The following LIMCH1 variants were observed in gnomAD, a reference collection of about 807,000 sequenced individuals.
The protein encoded by LIMCH1 is LIM and calponin homology domains 1.
A neutral mutation model predicts 176.5 loss-of-function variants in LIMCH1; 113 were observed. The observed-to-expected ratio is 0.64, with a 90% confidence interval of 0.55 to 0.75. The LOEUF (loss-of-function observed/expected upper bound fraction) is 0.75. Among genes scored for constraint, LIMCH1 ranks in the 30% least tolerant of loss-of-function variants. The probability of loss-of-function intolerance (pLI) is 0.00; values close to 1 mark genes in which losing one functional copy is unlikely to be tolerated. For synonymous variants in LIMCH1, 619 were observed against 645.9 expected (o/e 0.96, Z 0.63); for missense variants, 1,674 against 1,814.9 (o/e 0.92, Z 1.41).
chr4:41,687,317 C>T (rs776108462), intron 28 of LIMCH1, among the ~76,000 whole-genome samples: 3 of 152,148 alleles, frequency 2.0e-5, no homozygotes, highest in Non-Finnish European at 4.4e-5. Flanking sequence ...ATGTTTTGAA[C>T]ATGACCCTTC....
intron 1 of LIMCH1, 149 bp downstream of exon 1, chr4:41,538,499 C>A: frequency 3.7e-6 from 1 of 270,694 alleles, no homozygotes; most frequent in Non-Finnish European, 5.6e-6. Context: ...AAATTACTTT[C>A]CTGTGGATTC....
chr4:41,647,056 A>G (rs1368200331), intron 17 of LIMCH1, among the ~76,000 whole-genome samples, 163 bp downstream of exon 17: 2 of 152,244 alleles, frequency 1.3e-5, no homozygotes, highest in Non-Finnish European at 2.9e-5. Context: ...TTTGGTTTGT[A>G]AATGCTTCAG....
intron 2 of LIMCH1, among the ~76,000 whole-genome samples, chr4:41,523,858 A>C (rs1270338880): frequency 6.6e-6 from 1 of 152,224 alleles, no homozygotes; most frequent in Non-Finnish European, 1.5e-5. Context: ...AAATCTTCAG[A>C]ATATGATTGG....
At chr4:41,666,767 T>A in intron 21 of LIMCH1, 101 bp downstream of exon 21, 1 of 769,484 alleles carries the variant, frequency 1.3e-6, no homozygotes. Flanking sequence ...ATGTTGCTAT[T>A]CCTTTAGCCA....
intron 2 of LIMCH1, among the ~76,000 whole-genome samples, chr4:41,506,062 T>A (rs527557207): frequency 6.6e-6 from 1 of 152,252 alleles, no homozygotes; most frequent in East Asian, 1.9e-4. Context: ...TATTACAAAT[T>A]CCATCTTCCT....
chr4:41,399,263 TATA>T (rs2058118783), intron 1 of LIMCH1, among the ~76,000 whole-genome samples: 1 of 152,074 alleles, frequency 6.6e-6, no homozygotes, highest in Non-Finnish European at 1.5e-5. Context: ...GCTTGTTTCT[TATA>T]TTAAGATTGC....
intron 2 of LIMCH1, among the ~76,000 whole-genome samples, chr4:41,501,059 G>A (rs2073183088): frequency 6.6e-6 from 1 of 152,160 alleles, no homozygotes; most frequent in South Asian, 2.1e-4. Context: ...ATTTCAGCAT[G>A]GGGGCTCCGG....
intron 1 of LIMCH1, among the ~76,000 whole-genome samples, chr4:41,492,350 G>A (rs904729631): frequency 6.6e-6 from 1 of 150,886 alleles, no homozygotes; most frequent in African/African-American, 2.4e-5. Flanking sequence ...GCAGCGAGCC[G>A]AGATCATGGC....
rs143249229 is a variant in LIMCH1 at position 41,637,721 on chromosome 4, A to G, written c.2091-1211A>G. 1.1e-4 allele frequency among the ~76,000 whole-genome samples: 16 copies of G among 152,310 alleles called. No homozygotes were observed. In the East Asian group the frequency reaches 1.2e-3, roughly 11 times the overall value. On this transcript the variant is annotated intron_variant, in intron 13 of 31. Transcript: ENST00000503057. ...CATTGGTATGGTTGCCTTCACTGTG[A>G]ATTAAATCATTATCAATGAATGTAG...
intron 18 of LIMCH1, among the ~76,000 whole-genome samples, chr4:41,660,456 T>C (rs897895448): frequency 1.3e-5 from 2 of 152,138 alleles, no homozygotes; most frequent in Non-Finnish European, 2.9e-5. Flanking sequence ...TCACAGAGAC[T>C]TCTTAGTGGA....
chr4:41,628,755 C>A (rs1347968795), intron 8 of LIMCH1, among the ~76,000 whole-genome samples: 1 of 152,118 alleles, frequency 6.6e-6, no homozygotes, highest in African/African-American at 2.4e-5. Context: ...AGCTAAGGTT[C>A]ACTTCATAGG....
At chr4:41,473,775 A>G (rs896498974) in intron 1 of LIMCH1, among the ~76,000 whole-genome samples, 2 of 152,370 alleles carry the variant, frequency 1.3e-5, no homozygotes, top group Non-Finnish European at 1.5e-5. Flanking sequence ...GACAGCCTAC[A>G]GATTGGGAGA....
Position 41,650,453 on chromosome 4 carries a change from G to A in LIMCH1, c.2881G>A (p.Glu961Lys). 1 of 1,614,080 alleles carries A rather than the reference G, an allele frequency of 6.2e-7. No homozygotes were observed. Residue 961 changes from glutamate to lysine, a missense_variant, in exon 18 of 32, where the codon GAG (glutamate) becomes AAG (lysine). Around this residue, in one of 3 missense-constraint regions of LIMCH1, gnomAD observed 1,015 missense variants for 1,102.5 expected, o/e 0.92. Coordinates refer to ENST00000503057, the MANE Select transcript of LIMCH1 (RefSeq NM_001330672.2). The part of the protein sequence containing the change: ...TVHREEEKER[E>K]CPTVAPAHSL... ...TCATAGAGAGGAGGAGAAGGAAAGA[G>A]AGTGTCCCACGGTGGCACCTGCCCA...
At chr4:41,688,566 AT>A (rs1234400006) in intron 29 of LIMCH1, among the ~76,000 whole-genome samples, 1 of 152,176 alleles carries the variant, frequency 6.6e-6, no homozygotes, top group African/African-American at 2.4e-5. Flanking sequence ...GTCCCTCTGT[AT>A]CCTGCTGGTT....
intron 1 of LIMCH1, among the ~76,000 whole-genome samples, chr4:41,483,711 A>G (rs905918342): frequency 1.3e-5 from 2 of 152,184 alleles, no homozygotes; most frequent in Non-Finnish European, 1.5e-5. Flanking sequence ...AAACCTTTGT[A>G]CAGGTCTTTG....
intron 1 of LIMCH1, among the ~76,000 whole-genome samples, chr4:41,460,478 A>ATATATATC (rs1410622782): frequency 6.2e-5 from 9 of 145,086 alleles, no homozygotes; most frequent in African/African-American, 2.1e-4. Flanking sequence ...ATATATATAT[A>ATATATATC]TCTTATAATA....
chr4:41,387,040 T>G (rs1050779865), intron 1 of LIMCH1, among the ~76,000 whole-genome samples: 5 of 152,190 alleles, frequency 3.3e-5, no homozygotes, highest in Non-Finnish European at 7.3e-5. Context: ...GAGCTGCCTA[T>G]CAGAAGGCAC....
At chr4:41,626,596 T>A (rs1041104604) in intron 7 of LIMCH1, 112 bp from the exon 8 acceptor site, 2 of 864,916 alleles carry the variant, frequency 2.3e-6, no homozygotes, top group Non-Finnish European at 3.5e-6. Context: ...TCATTTGAAC[T>A]AACAATATCG....
intron 1 of LIMCH1, among the ~76,000 whole-genome samples, chr4:41,394,096 A>G (rs1480567209): frequency 6.6e-6 from 1 of 152,174 alleles, no homozygotes; most frequent in Non-Finnish European, 1.5e-5. Flanking sequence ...TACTTTATGT[A>G]GTTTTAAAGT....
Sources: gnomAD v4.1 joint callset for allele counts (sites outside exome capture counted in the v4.1 genomes callset) on GRCh38, gnomAD v4.1.1 for gene constraint, gnomAD v4.1.1 regional missense constraint, MANE v1.5 for transcripts, NCBI Gene and HGNC (gene_info 2026-07-23, HGNC 2026-07-21) for gene names.